Variants in SUPT3H observed in about 807,000 individuals in gnomAD.
SUPT3H encodes transcription initiation protein SPT3 homolog.
Under a neutral mutation model 44.3 loss-of-function variants are expected in SUPT3H, and 44 were observed. The ratio of observed to expected loss-of-function variants is 0.99; its 90% CI spans 0.78 to 1.28. The LOEUF is 1.28. Among genes scored for constraint, SUPT3H ranks in the 50% most tolerant of loss-of-function variants. The pLI is 0.00. For missense variants in SUPT3H, 380 were observed against 387.1 expected (o/e 0.98, Z 0.15); for synonymous variants, 124 against 125.6 (o/e 0.99, Z 0.09).
intron 3 of SUPT3H, among the ~76,000 whole-genome samples, chr6:45,036,491 A>G (rs1174580626): frequency 6.6e-6 from 1 of 152,154 alleles, no homozygotes; most frequent in Non-Finnish European, 1.5e-5. Context: ...CAAAATTCTG[A>G]TGAACAGTAA....
intron 10 of SUPT3H, among the ~76,000 whole-genome samples, chr6:44,843,227 TAGAC>T (rs570503582): frequency 2.0e-5 from 3 of 152,106 alleles, no homozygotes; most frequent in Admixed American, 2.0e-4. Context: ...TACACAAAAA[TAGAC>T]AGGCAAGAAC....
chr6:45,376,797 C>T (rs1466605659), intron 1 of SUPT3H, among the ~76,000 whole-genome samples: 2 of 152,206 alleles, frequency 1.3e-5, no homozygotes, highest in Non-Finnish European at 2.9e-5. Context: ...AATTCCTCTT[C>T]CAGAGTCTGC....
intron 1 of SUPT3H, among the ~76,000 whole-genome samples, chr6:45,372,631 G>A (rs1796242730): frequency 6.6e-6 from 1 of 152,076 alleles, no homozygotes; most frequent in Non-Finnish European, 1.5e-5. Context: ...CATCTTTTCA[G>A]TAACTCCTAC....
intron 2 of SUPT3H, among the ~76,000 whole-genome samples, chr6:45,211,082 T>TTACA (rs554844142): frequency 1.3e-5 from 2 of 152,320 alleles, no homozygotes; most frequent in South Asian, 4.1e-4. Context: ...ACTCATTTTA[T>TTACA]TACACTTCCA....
chr6:45,221,293 C>G (rs1185182374), intron 2 of SUPT3H, among the ~76,000 whole-genome samples: 6 of 152,122 alleles, frequency 3.9e-5, no homozygotes, highest in African/African-American at 1.2e-4. Context: ...ATGGGTGCAG[C>G]AAACCAACAT....
At chr6:45,019,735 T>G (rs1784843996) in intron 4 of SUPT3H, among the ~76,000 whole-genome samples, 1 of 152,004 alleles carries the variant, frequency 6.6e-6, no homozygotes, top group Non-Finnish European at 1.5e-5. Flanking sequence ...AAACTTTCAC[T>G]TTAAAAAATC....
intron 10 of SUPT3H, among the ~76,000 whole-genome samples, chr6:44,831,806 T>C (rs1768811110): frequency 6.6e-6 from 1 of 152,130 alleles, no homozygotes; most frequent in Non-Finnish European, 1.5e-5. Context: ...GACGGGGCAA[T>C]ATAAAATAGT....
chr6:45,229,325 A>G (rs1767525975), intron 2 of SUPT3H, among the ~76,000 whole-genome samples: 1 of 152,152 alleles, frequency 6.6e-6, no homozygotes, highest in Non-Finnish European at 1.5e-5. Context: ...TCTTTTTCCT[A>G]GGAGAACTAC....
At chr6:45,013,120 G>A (rs145173007) in intron 5 of SUPT3H, among the ~76,000 whole-genome samples, 533 of 152,234 alleles carry the variant, frequency 3.5e-3, no homozygotes, top group Non-Finnish European at 5.5e-3. Context: ...TTGCTCCAGA[G>A]ATTGATTGAT....
intron 2 of SUPT3H, among the ~76,000 whole-genome samples, chr6:45,362,024 G>A (rs144426135): frequency 1.3e-5 from 2 of 151,976 alleles, no homozygotes; most frequent in Non-Finnish European, 2.9e-5. Flanking sequence ...GCACTCCAGC[G>A]CCTGGGCAAC....
At chr6:45,080,567 G>A (rs1795654931) in intron 3 of SUPT3H, among the ~76,000 whole-genome samples, 1 of 151,594 alleles carries the variant, frequency 6.6e-6, no homozygotes, top group Admixed American at 6.6e-5. Context: ...AAGAAAATGT[G>A]GCATATACGC....
chr6:45,195,115 G>T (rs1247110487), intron 2 of SUPT3H, among the ~76,000 whole-genome samples: 1 of 152,028 alleles, frequency 6.6e-6, no homozygotes, highest in Admixed American at 6.6e-5. Flanking sequence ...GCTTTTTGTG[G>T]CAGGATAATG....
At chr6:45,212,481 A>G (rs1284968) in intron 2 of SUPT3H, among the ~76,000 whole-genome samples, 1,788 of 43,364 alleles carry the variant, frequency 0.041, 53 homozygotes, top group South Asian at 0.093. Flanking sequence ...CACCTCCACT[A>G]TGTGTGTGTG....
At chr6:45,254,007 G>A (rs1291094763) in intron 2 of SUPT3H, among the ~76,000 whole-genome samples, 1 of 151,244 alleles carries the variant, frequency 6.6e-6, no homozygotes, top group Non-Finnish European at 1.5e-5. Flanking sequence ...ACTGATATGT[G>A]AAGCAATAGG....
At chr6:45,235,953 G>A (rs1769025017) in intron 2 of SUPT3H, among the ~76,000 whole-genome samples, 1 of 152,158 alleles carries the variant, frequency 6.6e-6, no homozygotes, top group African/African-American at 2.4e-5. Flanking sequence ...TGTGCCTTAA[G>A]GACATGTTTC....
chr6:45,011,983 G>A (rs1783552974), intron 5 of SUPT3H, among the ~76,000 whole-genome samples: 1 of 151,542 alleles, frequency 6.6e-6, no homozygotes, highest in Non-Finnish European at 1.5e-5. Context: ...TCAGCACTTT[G>A]AATATATCAT....
chr6:45,069,248 A>G (rs1166146131), intron 3 of SUPT3H, among the ~76,000 whole-genome samples: 5 of 152,216 alleles, frequency 3.3e-5, no homozygotes, highest in Non-Finnish European at 7.3e-5. Context: ...GTATTAGAGG[A>G]ACCAAAAACT....
intron 10 of SUPT3H, among the ~76,000 whole-genome samples, chr6:44,881,990 A>T (rs543143862): frequency 2.0e-5 from 3 of 152,186 alleles, no homozygotes; most frequent in African/African-American, 7.2e-5. Context: ...GAGAAGCAAG[A>T]GCAAACACAT....
intron 2 of SUPT3H, among the ~76,000 whole-genome samples, chr6:45,285,775 T>C (rs1304970911): frequency 4.6e-5 from 7 of 152,210 alleles, no homozygotes; most frequent in South Asian, 2.1e-4. Context: ...AAAAAGAGCC[T>C]GCATTGCCAA....
Sources: gnomAD v4.1 joint callset for allele counts (sites outside exome capture counted in the v4.1 genomes callset) on GRCh38, gnomAD v4.1.1 for gene constraint, MANE v1.5 for transcripts, NCBI Gene and HGNC (gene_info 2026-07-23, HGNC 2026-07-21) for gene names.